NPRL3: variants seen among roughly 807,000 people sequenced by gnomAD.
NPRL3 encodes GATOR1 complex protein NPRL3.
A neutral mutation model predicts 57.2 loss-of-function variants in NPRL3; 23 were observed. That is an observed-to-expected ratio of 0.40 (90% CI 0.29 to 0.57). NPRL3 has a LOEUF of 0.57. Ranked by LOEUF, NPRL3 falls within the 20% of genes least tolerant of loss-of-function variation. The pLI is 0.42. For synonymous variants in NPRL3, 333 were observed against 321.1 expected (o/e 1.04, Z -0.39); for missense variants, 691 against 767.1 (o/e 0.90, Z 1.17).
chr16:98,490 C>T (rs1273541918), intron 8 of NPRL3, among the ~76,000 whole-genome samples, 189 bp from the exon 9 acceptor site: 1 of 152,158 alleles, frequency 6.6e-6, no homozygotes, highest in Non-Finnish European at 1.5e-5. Context: ...AACCCTGCAC[C>T]AGGTATGCAC....
At chr16:90,152 G>T in intron 11 of NPRL3, 1 of 474,068 alleles carries the variant, frequency 2.1e-6, no homozygotes, top group Non-Finnish European at 3.7e-6. Context: ...ACCACACACC[G>T]GGGCCACCCA....
At chr16:122,965 T>C (rs1177605551) in intron 3 of NPRL3, among the ~76,000 whole-genome samples, 1 of 152,214 alleles carries the variant, frequency 6.6e-6, no homozygotes, top group Non-Finnish European at 1.5e-5. Context: ...CCGTCATCCG[T>C]GCCCTCCTGG....
chr16:85,517 G>C lies in NPRL3; in HGVS notation c.*1188C>G. 1 of 1,613,374 alleles carries C rather than the reference G, an allele frequency of 6.2e-7. No homozygotes were observed. The highest frequency in any genetic ancestry group is 1.7e-5 in the Admixed American group (1 of 60,030). ...CGCCAGCCGTGTCCTCAAGGACCGC[G>C]AGCTCTGCAGTGGCCCCTCCAAGCT... On this transcript the variant is annotated 3_prime_UTR_variant, in exon 14 of 14. Coordinates refer to ENST00000611875, the MANE Select transcript of NPRL3 (RefSeq NM_001077350.3).
intron 2 of NPRL3, among the ~76,000 whole-genome samples, chr16:131,597 C>CA (rs59373757): frequency 0.075 from 5,171 of 69,398 alleles, 753 homozygotes; most frequent in African/African-American, 0.23. Context: ...GACTCAGTCT[C>CA]AAAAAAAAAA....
chr16:89,264 G>C (rs982669580), intron 12 of NPRL3: 2 of 279,732 alleles, frequency 7.1e-6, no homozygotes, highest in Non-Finnish European at 1.3e-5. Flanking sequence ...CCTCAGCCAA[G>C]GGGGGACTTT....
chr16:131,597 C>CAAAAA lies in NPRL3; in HGVS notation c.119-1011_119-1007dup, dbSNP rs59373757. Among the ~76,000 whole-genome samples, 265 of 69,486 alleles carry CAAAAA rather than the reference C, an allele frequency of 3.8e-3. 10 individuals carry two copies. The highest frequency in any genetic ancestry group is 0.015 in the South Asian group (24 of 1,614). 45.6% of individuals were successfully genotyped at this position (69,486 alleles called of 152,430 possible). ...TGGGTGACAGAGTGAGACTCAGTCT[C>CAAAAA]AAAAAAAAAAAAAAAAAAAAAACGC... is the stretch of plus-strand genomic sequence containing the variant. On this transcript the variant is annotated intron_variant, in intron 2 of 13. Coordinates refer to ENST00000611875, the MANE Select transcript of NPRL3 (RefSeq NM_001077350.3).
At position 119,235 on chromosome 16, in the gene NPRL3, G is replaced by A; in HGVS notation, c.209C>T (p.Ala70Val). The A allele has an allele frequency of 6.2e-7, 1 of 1,609,398 alleles. No homozygotes were observed. Among genetic ancestry groups the A allele is most frequent in the Non-Finnish European group, 8.5e-7 (1 of 1,177,666 alleles). Reference sequence around the variant, plus strand: ...TTCAGACTTGGTTGCCAAAATTGTTGCCAGAATAACATCTGAAAACCTTAA... The same window carrying A: ...TTCAGACTTGGTTGCCAAAATTGTTACCAGAATAACATCTGAAAACCTTAA... ...GDSRFSDVIL[A>V]TILATKSEMC... is the part of the protein sequence containing the mutation. Residue 70 changes from alanine (A) to valine (V), a missense_variant, in exon 4 of 14, where the codon GCA becomes GTA. By Grantham distance (64) the Ala-to-Val change is moderately conservative (BLOSUM62 0). Transcript: ENST00000611875.
intron 3 of NPRL3, chr16:123,688 C>A: frequency 5.0e-6 from 2 of 403,942 alleles, no homozygotes; most frequent in South Asian, 1.8e-5. Flanking sequence ...TTGACCATCA[C>A]GACTAAGCAA....
At chr16:88,387 CAAAAA>C (rs56670370) in intron 13 of NPRL3, among the ~76,000 whole-genome samples, 2 of 130,960 alleles carry the variant, frequency 1.5e-5, no homozygotes, top group Non-Finnish European at 3.2e-5. Flanking sequence ...GACTCCGTCT[CAAAAA>C]AAAAAAAAAA....
chr16:124,704 T>C (rs894646213), intron 3 of NPRL3, among the ~76,000 whole-genome samples: 11 of 152,234 alleles, frequency 7.2e-5, no homozygotes, highest in African/African-American at 1.4e-4. Context: ...AAAGTGGTCA[T>C]GGTGGATCCA....
At chr16:108,391 G>A (rs555912897) in intron 7 of NPRL3, among the ~76,000 whole-genome samples, 7 of 152,208 alleles carry the variant, frequency 4.6e-5, no homozygotes, top group African/African-American at 1.7e-4. Flanking sequence ...CAAAGCTCGG[G>A]GGAAGAGGCA....
chr16:104,179 G>C (rs1031298101), intron 7 of NPRL3, among the ~76,000 whole-genome samples: 5 of 151,350 alleles, frequency 3.3e-5, no homozygotes, highest in Admixed American at 2.0e-4. Context: ...TGTAATCCCA[G>C]CTACTTGGTA....
At chr16:137,389 C>CA (rs1901147650) in intron 2 of NPRL3, among the ~76,000 whole-genome samples, 1 of 152,164 alleles carries the variant, frequency 6.6e-6, no homozygotes, top group African/African-American at 2.4e-5. Context: ...AAAAGGGCGC[C>CA]ACAGAACAAT....
chr16:96,544 C>G (rs1596503462), intron 9 of NPRL3, among the ~76,000 whole-genome samples: 1 of 150,894 alleles, frequency 6.6e-6, no homozygotes, highest in African/African-American at 2.4e-5. Context: ...GGCATGGTGG[C>G]TCATGCCTGT....
At chr16:123,688 C>T (rs1024598070) in intron 3 of NPRL3, 50 of 403,942 alleles carry the variant, frequency 1.2e-4, no homozygotes, top group African/African-American at 7.9e-4. Context: ...TTGACCATCA[C>T]GACTAAGCAA....
chr16:86,808 C>T lies in NPRL3; in HGVS notation c.1607G>A (p.Arg536Gln), dbSNP rs759994243. 3.7e-6 allele frequency: 6 copies of T among 1,612,590 alleles called. No individual in the cohort carries two copies. The highest frequency in any genetic ancestry group is 4.2e-6 in the Non-Finnish European group (5 of 1,179,414). ...LEEIMYNENT[R>Q]RSQLLMLFDK... ...AAACAGCATGAGCAGCTGGGAGCGCCGCGTGTTCTCGTTGTACATAATCTC... is the reference window on the plus strand; with the variant it reads ...AAACAGCATGAGCAGCTGGGAGCGCTGCGTGTTCTCGTTGTACATAATCTC... The change falls in exon 14 of 14, where the codon CGG becomes CAG. Residue 536 changes from arginine (R) to glutamine (Q), a missense_variant. Physicochemically the swap from Arg to Gln is conservative, Grantham distance 43 (BLOSUM62 1). Coordinates refer to ENST00000611875, the MANE Select transcript of NPRL3 (RefSeq NM_001077350.3).
intron 2 of NPRL3, among the ~76,000 whole-genome samples, chr16:134,694 A>ATTTTTTTTTT (rs34425237): frequency 3.1e-4 from 32 of 103,416 alleles, no homozygotes; most frequent in African/African-American, 4.4e-4. Context: ...AATTATTATT[A>ATTTTTTTTTT]TTTTTTTTTT....
At chr16:96,729 G>GGAT (rs1371392960) in intron 9 of NPRL3, among the ~76,000 whole-genome samples, 1 of 151,824 alleles carries the variant, frequency 6.6e-6, no homozygotes, top group Non-Finnish European at 1.5e-5. Context: ...GAGCCTGGGT[G>GGAT]GATCATGATG....
chr16:104,274 C>A (rs1899437722), intron 7 of NPRL3, among the ~76,000 whole-genome samples: 1 of 151,886 alleles, frequency 6.6e-6, no homozygotes, highest in African/African-American at 2.4e-5. Context: ...GCCTGGGTGA[C>A]AGAGCAAGAC....
Sources: allele counts gnomAD v4.1 joint callset (sites outside exome capture counted in the v4.1 genomes callset), GRCh38; gene constraint gnomAD v4.1.1; transcripts MANE v1.5; gene names NCBI Gene and HGNC (gene_info 2026-07-23, HGNC 2026-07-21).